The following SAMMSON variants were observed in gnomAD, a reference collection of about 807,000 sequenced individuals.
The protein encoded by SAMMSON is survival associated mitochondrial melanoma specific oncogenic non-coding RNA.
chr3:70,162,297 T>A (rs1051299283), intron 4 of SAMMSON, among the ~76,000 whole-genome samples: 2 of 151,846 alleles, frequency 1.3e-5, no homozygotes, highest in Admixed American at 1.3e-4. Flanking sequence ...TCTCCAAGCG[T>A]TGGTTTAGGT....
In SAMMSON at chr3:70,359,467, T is replaced by G. The variant is rs187486928; in HGVS notation, n.913+1143T>G. ...CTTTAATTAAACTAAAAGTTATATC[T>G]AATGTTAAATGAGGTGGTTAGAAAA... is the stretch of plus-strand genomic sequence containing the variant. On this transcript the variant is annotated intron_variant and non_coding_transcript_variant, in intron 9 of 9. Transcript: ENST00000642114. Among the ~76,000 whole-genome samples, 619 of 152,288 alleles carry G rather than the reference T, an allele frequency of 4.1e-3. 5 individuals are homozygous for G. Among genetic ancestry groups the G allele is most frequent in the Non-Finnish European group, 7.6e-3 (515 of 68,014 alleles).
chr3:70,284,919 T>TA (rs1298780071), intron 6 of SAMMSON, among the ~76,000 whole-genome samples: 2 of 151,920 alleles, frequency 1.3e-5, no homozygotes, highest in African/African-American at 4.8e-5. Flanking sequence ...CAAAAAAGAG[T>TA]AAATGGCATT....
chr3:70,283,272 T>C (rs2049221), intron 6 of SAMMSON, among the ~76,000 whole-genome samples: 29,889 of 151,896 alleles, frequency 0.2, 3,076 homozygotes, highest in South Asian at 0.28. Flanking sequence ...GTCCTCTGAT[T>C]GATTGCTTTT....
intron 9 of SAMMSON, among the ~76,000 whole-genome samples, chr3:70,384,104 G>T (rs1703100812): frequency 6.6e-6 from 1 of 151,298 alleles, no homozygotes; most frequent in Non-Finnish European, 1.5e-5. Context: ...ATTACCCAGG[G>T]CAGAAAACAA....
At chr3:70,221,171 T>C (rs1701457707) in intron 4 of SAMMSON, among the ~76,000 whole-genome samples, 1 of 152,174 alleles carries the variant, frequency 6.6e-6, no homozygotes, top group Non-Finnish European at 1.5e-5. Context: ...ACCGTAGATG[T>C]CAGTGAGTTT....
At chr3:70,028,448 G>T (rs2067051516) in intron 3 of SAMMSON, among the ~76,000 whole-genome samples, 1 of 152,096 alleles carries the variant, frequency 6.6e-6, no homozygotes, top group Non-Finnish European at 1.5e-5. Context: ...CTGATGGGGA[G>T]AATTTGTGGC....
intron 4 of SAMMSON, among the ~76,000 whole-genome samples, chr3:70,096,992 A>T (rs2067325185): frequency 6.6e-6 from 1 of 152,222 alleles, no homozygotes; most frequent in Non-Finnish European, 1.5e-5. Flanking sequence ...AGAAGACATG[A>T]TCATATGGCT....
intron 7 of SAMMSON, among the ~76,000 whole-genome samples, chr3:70,331,288 G>A (rs577938284): frequency 8.6e-5 from 13 of 152,022 alleles, no homozygotes; most frequent in African/African-American, 2.2e-4. Flanking sequence ...TCAAAACTTC[G>A]TCCCGTGAAG....
chr3:70,281,289 A>C (rs1105032), intron 6 of SAMMSON, among the ~76,000 whole-genome samples: 41,207 of 152,000 alleles, frequency 0.27, 5,644 homozygotes, highest in South Asian at 0.32. Flanking sequence ...AATGCCCTAA[A>C]TTCTTGGTTA....
Position 70,156,256 on chromosome 3 carries a change from A to G in SAMMSON, n.507+84691A>G, listed in dbSNP as rs551042332. 7.2e-5 allele frequency among the ~76,000 whole-genome samples: 11 copies of G among 152,226 alleles called. No homozygotes were observed. The East Asian group carries it at 2.1e-3, about 29-fold the overall frequency. On this transcript the variant is annotated intron_variant and non_coding_transcript_variant, in intron 4 of 9. Coordinates refer to ENST00000642114, the Ensembl canonical transcript of SAMMSON. ...CCATTCAGAGCTGAAGAGGAAATAC[A>G]ATGAACATAATAATGAATTTGAATT...
At chr3:70,206,314 T>G (rs73116288) in intron 4 of SAMMSON, among the ~76,000 whole-genome samples, 30,285 of 151,914 alleles carry the variant, frequency 0.2, 3,426 homozygotes, top group Non-Finnish European at 0.26. Context: ...CCCATAGCAA[T>G]AATGATTATG....
intron 4 of SAMMSON, among the ~76,000 whole-genome samples, chr3:70,145,618 T>C: frequency 6.6e-6 from 1 of 151,632 alleles, no homozygotes; most frequent in Non-Finnish European, 1.5e-5. Flanking sequence ...GAAGAGGAAA[T>C]CTCAGGGAAT....
chr3:70,262,046 C>T (rs903918529), intron 6 of SAMMSON, among the ~76,000 whole-genome samples: 9 of 152,154 alleles, frequency 5.9e-5, no homozygotes, highest in Admixed American at 2.0e-4. Context: ...AGCCATTCCT[C>T]ATGTGTCCTT....
intron 4 of SAMMSON, among the ~76,000 whole-genome samples, chr3:70,156,584 C>A (rs963122529): frequency 2.0e-5 from 3 of 151,848 alleles, no homozygotes; most frequent in Admixed American, 6.6e-5. Flanking sequence ...GGATGTAGGT[C>A]GTTATCTGTT....
chr3:70,287,585 G>A (rs1406963413), intron 6 of SAMMSON, among the ~76,000 whole-genome samples: 1 of 152,066 alleles, frequency 6.6e-6, no homozygotes, highest in Non-Finnish European at 1.5e-5. Flanking sequence ...AATGAGTGAG[G>A]GAGGATTCCC....
chr3:70,158,441 G>A (rs896961094), intron 4 of SAMMSON, among the ~76,000 whole-genome samples: 3 of 151,748 alleles, frequency 2.0e-5, no homozygotes, highest in African/African-American at 7.3e-5. Context: ...CACATTTTGA[G>A]TATTCATTCA....
intron 3 of SAMMSON, among the ~76,000 whole-genome samples, chr3:70,020,354 A>G (rs955311925): frequency 2.0e-5 from 3 of 152,186 alleles, no homozygotes; most frequent in African/African-American, 7.2e-5. Context: ...TAGACGAAAG[A>G]GTACAATTTT....
chr3:70,237,580 C>T (rs1017208426), intron 4 of SAMMSON, among the ~76,000 whole-genome samples: 1 of 152,216 alleles, frequency 6.6e-6, no homozygotes, highest in Admixed American at 6.5e-5. Context: ...AGGACAGGCT[C>T]TAATGTTTTT....
chr3:70,434,035 G>C (rs1701437104), intron 2 of SAMMSON, among the ~76,000 whole-genome samples: 1 of 152,130 alleles, frequency 6.6e-6, no homozygotes, highest in South Asian at 2.1e-4. Context: ...ACACTTTCTT[G>C]ATTGACGTAG....
Sources: allele counts gnomAD v4.1 joint callset (sites outside exome capture counted in the v4.1 genomes callset), GRCh38; gene constraint gnomAD v4.1.1; transcripts MANE v1.5; gene names NCBI Gene and HGNC (gene_info 2026-07-23, HGNC 2026-07-21).